The following ZNF83 variants were observed in gnomAD, a reference collection of about 807,000 sequenced individuals.
The protein encoded by ZNF83 is zinc finger protein 83.
For synonymous variants in ZNF83, 209 were observed against 213.0 expected, an observed-to-expected ratio of 0.98 and a Z score of 0.17; for missense variants, 552 against 629.9, an observed-to-expected ratio of 0.88 and a Z score of 1.32.
intron 2 of ZNF83, among the ~76,000 whole-genome samples, chr19:52,630,064 G>A (rs528015401): frequency 3.3e-5 from 5 of 152,250 alleles, no homozygotes; most frequent in East Asian, 1.9e-4. Flanking sequence ...CAGAAATCTG[G>A]CCACTGGGCC....
chr19:52,623,608 G>A (rs1327350855), intron 2 of ZNF83, among the ~76,000 whole-genome samples: 2 of 151,772 alleles, frequency 1.3e-5, no homozygotes, highest in African/African-American at 2.4e-5. Context: ...CCTCCTTCAC[G>A]TCTTCCTCTT....
chr19:52,632,882 T>C (rs2061017678), intron 2 of ZNF83, among the ~76,000 whole-genome samples: 1 of 152,148 alleles, frequency 6.6e-6, no homozygotes, highest in African/African-American at 2.4e-5. Flanking sequence ...TCCTTCAGCT[T>C]AGTCTCTCCC....
intron 3 of ZNF83, chr19:52,651,798 A>G (rs58168372): frequency 0.13 from 20,488 of 154,154 alleles, 1,617 homozygotes; most frequent in East Asian, 0.24. Context: ...CAAACTGCTG[A>G]CCTCAAGTGA....
chr19:52,661,188 A>G (rs1180804840), intron 1 of ZNF83, among the ~76,000 whole-genome samples: 1 of 152,086 alleles, frequency 6.6e-6, no homozygotes, highest in Non-Finnish European at 1.5e-5. Context: ...GAAACCACAC[A>G]TTCCTTTCCT....
At chr19:52,678,449 CAAAAAA>C (rs11387898) in intron 1 of ZNF83, among the ~76,000 whole-genome samples, 2 of 109,704 alleles carry the variant, frequency 1.8e-5, no homozygotes, top group South Asian at 3.2e-4. Flanking sequence ...GACTTCATCT[CAAAAAA>C]AAAAAAAAAG....
At chr19:52,630,011 C>T (rs1233699924) in intron 2 of ZNF83, among the ~76,000 whole-genome samples, 4 of 152,108 alleles carry the variant, frequency 2.6e-5, no homozygotes, top group African/African-American at 4.8e-5. Flanking sequence ...AGTGGCCAGG[C>T]ATTCCTCCAG....
intron 2 of ZNF83, among the ~76,000 whole-genome samples, chr19:52,620,808 T>G (rs2060514492): frequency 6.6e-6 from 1 of 152,188 alleles, no homozygotes. Context: ...GACTTTCCAT[T>G]ATGACTTGTT....
chr19:52,631,767 ACCAGG>A (rs2060971644), intron 2 of ZNF83, among the ~76,000 whole-genome samples: 1 of 152,152 alleles, frequency 6.6e-6, no homozygotes, highest in Non-Finnish European at 1.5e-5. Flanking sequence ...TGGCGGTTCC[ACCAGG>A]CCTAATCGCC....
chr19:52,681,360 A>G (rs1568583524), intron 1 of ZNF83, among the ~76,000 whole-genome samples: 1 of 151,834 alleles, frequency 6.6e-6, no homozygotes, highest in East Asian at 1.9e-4. Context: ...GGTGATATTC[A>G]TTACCTAGAT....
At chr19:52,622,341 T>A (rs1335044427) in intron 2 of ZNF83, among the ~76,000 whole-genome samples, 2 of 152,134 alleles carry the variant, frequency 1.3e-5, no homozygotes, top group East Asian at 3.9e-4. Flanking sequence ...GGAATTCCAG[T>A]ATTTAATCCA....
intron 2 of ZNF83, among the ~76,000 whole-genome samples, chr19:52,629,241 TA>T (rs2060860310): frequency 6.6e-6 from 1 of 152,166 alleles, no homozygotes; most frequent in Non-Finnish European, 1.5e-5. Flanking sequence ...ATTCTTGTCA[TA>T]AAATAAGCAA....
At chr19:52,671,466 C>T (rs1350033616) in intron 1 of ZNF83, among the ~76,000 whole-genome samples, 4 of 151,336 alleles carry the variant, frequency 2.6e-5, no homozygotes, top group Admixed American at 1.3e-4. Context: ...TTCCTTCAGA[C>T]AGGACCTAGT....
At chr19:52,632,165 C>T (rs1179330967) in intron 2 of ZNF83, among the ~76,000 whole-genome samples, 5 of 152,184 alleles carry the variant, frequency 3.3e-5, no homozygotes, top group Admixed American at 6.5e-5. Context: ...CACCTCTATA[C>T]AGTCTGACAG....
intron 1 of ZNF83, among the ~76,000 whole-genome samples, chr19:52,687,616 G>GTGTA (rs1555792735): frequency 6.3e-5 from 1 of 15,824 alleles, no homozygotes; most frequent in African/African-American, 4.6e-4. Context: ...TATATAATGT[G>GTGTA]TATATATATA....
chr19:52,631,385 CCTTA>C (rs1257907742), intron 2 of ZNF83, among the ~76,000 whole-genome samples: 1 of 152,176 alleles, frequency 6.6e-6, no homozygotes, highest in African/African-American at 2.4e-5. Flanking sequence ...AACAACTTGA[CCTTA>C]CTGTTTTAGG....
Position 52,653,601 on chromosome 19 carries a change from T to G in ZNF83, c.-74+1960A>C, listed in dbSNP as rs73586122. ...CTCCAGTATGACGTCTACGATGCCCTACAAGGGATGACGTCTGACTGAAGG... is the reference window on the plus strand; with the variant it reads ...CTCCAGTATGACGTCTACGATGCCCGACAAGGGATGACGTCTGACTGAAGG... On this transcript the variant is annotated intron_variant, in intron 3 of 5. Coordinates refer to the ZNF83 transcript ENST00000594682. Among the ~76,000 whole-genome samples the G allele has an allele frequency of 7.4e-3, 1,126 of 151,716 alleles. 4 individuals carry two copies. Among genetic ancestry groups the G allele is most frequent in the African/African-American group, 0.024 (994 of 41,352 alleles).
intron 1 of ZNF83, among the ~76,000 whole-genome samples, chr19:52,680,715 C>T (rs1307444596): frequency 2.1e-5 from 3 of 141,216 alleles, no homozygotes; most frequent in Non-Finnish European, 4.5e-5. Flanking sequence ...CGGGTTCACG[C>T]CATTCTCCTG....
chr19:52,678,973 CA>C (rs11365430), intron 1 of ZNF83, among the ~76,000 whole-genome samples: 80,700 of 138,206 alleles, frequency 0.58, 22,401 homozygotes, highest in Admixed American at 0.66. Context: ...GACTCCATCT[CA>C]AAAAAAAAAA....
chr19:52,615,577 A>G (rs2060276165), intron 2 of ZNF83, among the ~76,000 whole-genome samples: 1 of 152,182 alleles, frequency 6.6e-6, no homozygotes, highest in Admixed American at 6.5e-5. Flanking sequence ...TGTCTCTACT[A>G]AAAATACAAA....
Sources: allele counts gnomAD v4.1 joint callset (sites outside exome capture counted in the v4.1 genomes callset), GRCh38; gene constraint gnomAD v4.1.1; transcripts MANE v1.5; gene names NCBI Gene and HGNC (gene_info 2026-07-23, HGNC 2026-07-21).